Variants in PDK1 observed in about 807,000 individuals in gnomAD.
The protein encoded by PDK1 is pyruvate dehydrogenase kinase 1.
In PDK1, 39 loss-of-function variants were observed where a neutral mutation model predicts 54.2. The observed-to-expected ratio is 0.72, with a 90% CI of 0.56 to 0.94. The LOEUF is 0.94. PDK1 is among the 40% of genes least tolerant of loss of function. The pLI, the probability that PDK1 is intolerant of heterozygous loss-of-function variation, is 0.00. For synonymous variants in PDK1, 221 were observed against 207.1 expected (o/e 1.07, Z -0.58); for missense variants, 552 against 566.0 (o/e 0.98, Z 0.25).
chr2:172,696,797 C>G, the PDK1 span, among the ~76,000 whole-genome samples: 1 of 152,090 alleles, frequency 6.6e-6, no homozygotes, highest in African/African-American at 2.4e-5. Flanking sequence ...TTCTCAATAT[C>G]TTCCACAAGA....
rs1297325564 is a variant in PDK1 at position 172,599,986 on chromosome 2, A to G, written c.*4017A>G. ...TCCACGTGAGAGTTGTGTTCATTCA[A>G]GGGTTATTTTTTGAGAGTGGAAGTA... On this transcript the variant is annotated 3_prime_UTR_variant, in exon 11 of 11. Coordinates refer to ENST00000282077, the MANE Select transcript of PDK1 (RefSeq NM_002610.5). 1 of 152,210 alleles carries G rather than the reference A, an allele frequency of 6.6e-6. No individual in the cohort carries two copies. Among genetic ancestry groups the G allele is most frequent in the Non-Finnish European group, 1.5e-5 (1 of 68,024 alleles). 9.4% of individuals were successfully genotyped at this position (152,210 alleles called of 1,614,324 possible). A position where few individuals can be genotyped will look rare whatever the true frequency, so the allele number is the denominator to read the frequency against.
In PDK1 at chr2:172,561,787, A is replaced by G. The variant is rs185990094; in HGVS notation, c.339-433A>G. On this transcript the variant is annotated intron_variant, in intron 2 of 10. Transcript: ENST00000282077. ...ATATGTAAAATTAAGGTTTTAAAGC[A>G]CAGATATTTAAGATACAGTCTTAGA... 2.2e-3 allele frequency among the ~76,000 whole-genome samples: 337 copies of G among 152,372 alleles called. 2 individuals carry two copies. The highest frequency in any genetic ancestry group is 7.6e-3 in the African/African-American group (314 of 41,582).
chr2:172,717,561 T>C, the PDK1 span, among the ~76,000 whole-genome samples: 2 of 152,178 alleles, frequency 1.3e-5, no homozygotes, highest in South Asian at 4.1e-4. Flanking sequence ...TTGGACTAAT[T>C]TTCTTTTTTT....
At chr2:172,716,481 C>T in the PDK1 span, among the ~76,000 whole-genome samples, 2 of 152,004 alleles carry the variant, frequency 1.3e-5, no homozygotes, top group South Asian at 4.1e-4. Flanking sequence ...CGTGCCACCA[C>T]ACCTGGCTCA....
chr2:172,668,350 C>T, the PDK1 span, among the ~76,000 whole-genome samples: 30 of 148,020 alleles, frequency 2.0e-4, no homozygotes, highest in African/African-American at 7.2e-4. Context: ...TATCTTTATT[C>T]GTTCCCACTT....
chr2:172,646,714 G>C, the PDK1 span, among the ~76,000 whole-genome samples: 1 of 128,436 alleles, frequency 7.8e-6, no homozygotes, highest in Admixed American at 8.3e-5. Context: ...TCAAGTCAGA[G>C]AGACCCAAAC....
the PDK1 span, among the ~76,000 whole-genome samples, chr2:172,672,505 A>C: frequency 6.6e-6 from 1 of 152,332 alleles, no homozygotes; most frequent in East Asian, 1.9e-4. Flanking sequence ...CTATCCAAGC[A>C]CACCTCGTTT....
the PDK1 span, among the ~76,000 whole-genome samples, chr2:172,699,069 A>T: frequency 6.6e-6 from 1 of 152,256 alleles, no homozygotes; most frequent in Non-Finnish European, 1.5e-5. Context: ...TTTCAAAAGC[A>T]CATTAACATA....
At chr2:172,626,565 A>T in the PDK1 span, among the ~76,000 whole-genome samples, 13 of 152,272 alleles carry the variant, frequency 8.5e-5, no homozygotes, top group African/African-American at 2.9e-4. Context: ...AGTCCAAGGC[A>T]GGAGGATCAC....
the PDK1 span, among the ~76,000 whole-genome samples, chr2:172,656,555 G>T: frequency 2.0e-5 from 3 of 152,042 alleles, no homozygotes; most frequent in Admixed American, 1.3e-4. Flanking sequence ...TGGTAAAATA[G>T]TTTCCCTGGA....
intron 8 of PDK1, among the ~76,000 whole-genome samples, chr2:172,578,769 G>C (rs1315660452): frequency 6.7e-6 from 1 of 149,860 alleles, no homozygotes; most frequent in East Asian, 1.9e-4. Context: ...ATTCTTTTAA[G>C]TTTGAATTCT....
At chr2:172,665,590 T>G in the PDK1 span, among the ~76,000 whole-genome samples, 3 of 152,220 alleles carry the variant, frequency 2.0e-5, no homozygotes, top group Non-Finnish European at 4.4e-5. Context: ...GAGCCTACCC[T>G]GAAGCCCCTT....
chr2:172,685,877 C>T, the PDK1 span, among the ~76,000 whole-genome samples: 9 of 152,170 alleles, frequency 5.9e-5, no homozygotes, highest in South Asian at 6.2e-4. Context: ...AAAAAATCTT[C>T]GTTGTCTCCA....
the PDK1 span, among the ~76,000 whole-genome samples, chr2:172,647,971 C>G: frequency 6.6e-6 from 1 of 152,172 alleles, no homozygotes; most frequent in Admixed American, 6.5e-5. Flanking sequence ...TTATTTTGAT[C>G]TAATCATGAG....
chr2:172,633,381 C>CTTTTTTTTTTTT, the PDK1 span, among the ~76,000 whole-genome samples: 1 of 103,996 alleles, frequency 9.6e-6, no homozygotes, highest in Non-Finnish European at 1.9e-5. Flanking sequence ...GATTTTCTTT[C>CTTTTTTTTTTTT]TTTTTTTTTT....
At chr2:172,651,139 GCAAT>G in the PDK1 span, among the ~76,000 whole-genome samples, 1 of 152,146 alleles carries the variant, frequency 6.6e-6, no homozygotes, top group African/African-American at 2.4e-5. Context: ...AGACCACAGT[GCAAT>G]CAAACTAGAA....
the PDK1 span, among the ~76,000 whole-genome samples, chr2:172,647,439 A>T: frequency 3.3e-5 from 5 of 152,204 alleles, no homozygotes; most frequent in Admixed American, 3.3e-4. Flanking sequence ...TGCTCAAAAA[A>T]TAATGGAGGC....
chr2:172,610,684 C>T (rs1215961196), downstream of PDK1, among the ~76,000 whole-genome samples: 1 of 152,126 alleles, frequency 6.6e-6, no homozygotes, highest in Admixed American at 6.5e-5. Context: ...AGTCTCAGCT[C>T]ACTGCAACCT....
At chr2:172,594,280 C>T (rs1690773062) in intron 10 of PDK1, among the ~76,000 whole-genome samples, 2 of 152,114 alleles carry the variant, frequency 1.3e-5, no homozygotes, top group South Asian at 4.1e-4. Context: ...TTGCCTTGGC[C>T]TCCCAAAGTG....
Sources: gnomAD v4.1 joint callset for allele counts (sites outside exome capture counted in the v4.1 genomes callset) on GRCh38, gnomAD v4.1.1 for gene constraint, MANE v1.5 for transcripts, NCBI Gene and HGNC (gene_info 2026-07-23, HGNC 2026-07-21) for gene names.